The following YEATS2 variants were observed in gnomAD, a reference collection of about 807,000 sequenced individuals.
YEATS2 encodes the protein YEATS domain containing 2.
A neutral mutation model predicts 163.2 loss-of-function variants in YEATS2; 77 were observed. The observed-to-expected ratio is 0.47, with a 90% CI of 0.39 to 0.57. The LOEUF (loss-of-function observed/expected upper bound fraction) is 0.57. YEATS2 is among the 20% of genes least tolerant of loss of function. The pLI is 0.00. For missense variants in YEATS2, 1,549 were observed against 1,729.8 expected, an observed-to-expected ratio of 0.90 and a Z score of 1.85; for synonymous variants, 631 against 645.1, an observed-to-expected ratio of 0.98 and a Z score of 0.33.
rs1720806387 is a variant in YEATS2 at position 183,756,675 on chromosome 3, C to T, written c.1538C>T (p.Thr513Ile). The T allele has an allele frequency of 2.5e-6, 4 of 1,585,518 alleles. No homozygotes were observed. In the South Asian group the frequency reaches 4.7e-5, roughly 19 times the overall value. ...DKQPGQVIGA[T>I]TPSTGSPTNK... is the part of the protein sequence containing the mutation. Reference sequence around the variant, plus strand: ...CAGCCGGGGCAGGTGATTGGAGCCACCACTCCCAGTACAGGTGTGTATTAG... The same window carrying T: ...CAGCCGGGGCAGGTGATTGGAGCCATCACTCCCAGTACAGGTGTGTATTAG... Residue 513 changes from threonine to isoleucine, a missense_variant, in exon 12 of 31, where the codon ACC (threonine) becomes ATC (isoleucine). Transcript: ENST00000305135.
At position 183,772,341 on chromosome 3, in the gene YEATS2, A is replaced by G. The variant is rs932768528; in HGVS notation, c.1984A>G (p.Thr662Ala). The change falls in exon 16 of 31, where the codon ACA becomes GCA. Residue 662 changes from threonine (T) to alanine (A), a missense_variant. By Grantham distance (58) the Thr-to-Ala change is moderately conservative (BLOSUM62 0). Coordinates refer to ENST00000305135, the MANE Select transcript of YEATS2 (RefSeq NM_018023.5). ...GVPVGSALPS[T>A]VKQAVAISGG... Reference sequence around the variant, plus strand: ...ACCAGTTGGGTCTGCTTTACCTTCAACAGTGAAGCAGGCTGTGGCGATCAG... The same window carrying G: ...ACCAGTTGGGTCTGCTTTACCTTCAGCAGTGAAGCAGGCTGTGGCGATCAG... The G allele has an allele frequency of 2.5e-6, 4 of 1,614,118 alleles. No individual in the cohort carries two copies. Among genetic ancestry groups the G allele is most frequent in the East Asian group, 2.2e-5 (1 of 44,880 alleles).
chr3:183,746,284 A>T (rs958740792), intron 8 of YEATS2, among the ~76,000 whole-genome samples: 4 of 152,068 alleles, frequency 2.6e-5, no homozygotes. Context: ...AAACTCCTGG[A>T]CTCAAGCAAT....
At chr3:183,779,660 A>C (rs1723358067) in intron 19 of YEATS2, among the ~76,000 whole-genome samples, 1 of 152,132 alleles carries the variant, frequency 6.6e-6, no homozygotes, top group Non-Finnish European at 1.5e-5. Flanking sequence ...AACGGATTTT[A>C]ACTTGACAGA....
chr3:183,712,974 T>C (rs956608678), intron 1 of YEATS2, among the ~76,000 whole-genome samples: 32 of 152,168 alleles, frequency 2.1e-4, no homozygotes, highest in African/African-American at 7.7e-4. Flanking sequence ...TTGGCCAGGC[T>C]GGTCTGGAAC....
intron 8 of YEATS2, among the ~76,000 whole-genome samples, chr3:183,740,949 A>AT (rs1286318376): frequency 6.6e-6 from 1 of 151,636 alleles, no homozygotes; most frequent in African/African-American, 2.4e-5. Flanking sequence ...TTTTATTTTT[A>AT]TTTTTTTGAG....
intron 26 of YEATS2, chr3:183,803,691 G>A (rs1725906469): frequency 4.1e-6 from 2 of 492,116 alleles, no homozygotes; most frequent in South Asian, 2.2e-5. Context: ...TCCTTACAGT[G>A]GGAAGGTGCT....
At chr3:183,807,775 C>T (rs1412379539) in intron 28 of YEATS2, 1 of 396,588 alleles carries the variant, frequency 2.5e-6, no homozygotes, top group Non-Finnish European at 4.5e-6. Context: ...CCATGTTCTC[C>T]CACGAAGGAG....
intron 10 of YEATS2, among the ~76,000 whole-genome samples, chr3:183,753,867 CT>C (rs1464510072): frequency 2.0e-5 from 3 of 151,882 alleles, no homozygotes; most frequent in Admixed American, 6.6e-5. Context: ...AACATAAGAA[CT>C]TTTGTTCTTT....
At chr3:183,792,759 T>G (rs897806541) in intron 21 of YEATS2, among the ~76,000 whole-genome samples, 2 of 152,202 alleles carry the variant, frequency 1.3e-5, no homozygotes, top group African/African-American at 4.8e-5. Context: ...TCCGCCTACC[T>G]TGGCCTCCCA....
chr3:183,700,633 C>T (rs1713968891), intron 1 of YEATS2, among the ~76,000 whole-genome samples: 1 of 126,788 alleles, frequency 7.9e-6, no homozygotes, highest in Non-Finnish European at 1.6e-5. Context: ...GAATCACAGT[C>T]TGTTGCCCAG....
chr3:183,735,248 A>G (rs150167775), intron 7 of YEATS2, among the ~76,000 whole-genome samples: 1 of 152,348 alleles, frequency 6.6e-6, no homozygotes, highest in Admixed American at 6.5e-5. Context: ...GCTTTACTGG[A>G]ATTTAAATGA....
At chr3:183,753,917 G>A (rs1231800324) in intron 10 of YEATS2, among the ~76,000 whole-genome samples, 2 of 151,788 alleles carry the variant, frequency 1.3e-5, no homozygotes, top group African/African-American at 2.4e-5. Context: ...ATGTTTTCAA[G>A]TTTTTTTAAA....
chr3:183,749,294 T>G (rs1719906613), intron 9 of YEATS2, among the ~76,000 whole-genome samples: 1 of 152,220 alleles, frequency 6.6e-6, no homozygotes, highest in African/African-American at 2.4e-5. Flanking sequence ...ACACAAAATT[T>G]ACCGTCTTAC....
chr3:183,782,070 G>T (rs959332708), intron 19 of YEATS2, among the ~76,000 whole-genome samples: 1 of 151,968 alleles, frequency 6.6e-6, no homozygotes, highest in African/African-American at 2.4e-5. Context: ...CTATATGTGT[G>T]TTAATCGTTT....
chr3:183,737,235 G>T (rs1718434825), intron 8 of YEATS2, among the ~76,000 whole-genome samples: 1 of 152,160 alleles, frequency 6.6e-6, no homozygotes, highest in Non-Finnish European at 1.5e-5. Context: ...GCCTCAGGTG[G>T]CAGAGGTGGA....
intron 26 of YEATS2, 22 bp downstream of exon 26, chr3:183,803,357 A>G (rs766576374): frequency 3.1e-6 from 5 of 1,600,926 alleles, no homozygotes; most frequent in Non-Finnish European, 4.3e-6. Context: ...CTGCCTGTCC[A>G]CTCTGGCTGC....
At chr3:183,727,597 G>C (rs57123036) in intron 6 of YEATS2, among the ~76,000 whole-genome samples, 2,483 of 152,264 alleles carry the variant, frequency 0.016, 49 homozygotes, top group African/African-American at 0.057. Flanking sequence ...TATCACTAAG[G>C]ATTAGCACTA....
At chr3:183,793,522 C>A in intron 21 of YEATS2, 1 of 874,342 alleles carries the variant, frequency 1.1e-6, no homozygotes, top group Non-Finnish European at 1.4e-6. Flanking sequence ...ATGTTTTTGG[C>A]ATGCAATAGA....
At chr3:183,800,676 G>A in intron 24 of YEATS2, 108 bp downstream of exon 24, 1 of 855,194 alleles carries the variant, frequency 1.2e-6, no homozygotes, top group Non-Finnish European at 1.9e-6. Flanking sequence ...GCCCTTGACG[G>A]GAGGAACTGT....
Sources: allele counts gnomAD v4.1 joint callset (sites outside exome capture counted in the v4.1 genomes callset), GRCh38; gene constraint gnomAD v4.1.1; transcripts MANE v1.5; gene names NCBI Gene and HGNC (gene_info 2026-07-23, HGNC 2026-07-21).